The following ADAMTS19 variants were observed in gnomAD, a reference collection of about 807,000 sequenced individuals.
The protein encoded by ADAMTS19 is ADAM metallopeptidase with thrombospondin type 1 motif 19, also known as A disintegrin and metalloproteinase with thrombospondin motifs 19.
ADAMTS19 carries 93 observed loss-of-function variants against 153.3 expected under a neutral mutation model. The ratio of observed to expected loss-of-function variants is 0.61; its 90% confidence interval spans 0.51 to 0.72. The LOEUF is 0.72. ADAMTS19 is among the 30% of genes least tolerant of loss of function. The pLI is 0.00. For synonymous variants in ADAMTS19, 600 were observed against 556.6 expected (o/e 1.08, Z -1.10); for missense variants, 1,482 against 1,552.1 (o/e 0.95, Z 0.76).
intron 7 of ADAMTS19, among the ~76,000 whole-genome samples, chr5:129,560,997 G>A (rs972813594): frequency 2.0e-5 from 3 of 151,892 alleles, no homozygotes; most frequent in Non-Finnish European, 4.4e-5. Context: ...TTTTATGTAG[G>A]TTACATTTAT....
rs535458632 is a variant in ADAMTS19 at position 129,565,148 on chromosome 5, A to G, written c.1372+13241A>G. ...ATTAACCATCACAATTATTTCTATA[A>G]TTTAGATTTTTCATTATTTAATCTC... On this transcript the variant is annotated intron_variant, in intron 7 of 22. Transcript: ENST00000274487. Among the ~76,000 whole-genome samples, 43 of 152,318 alleles carry G rather than the reference A, an allele frequency of 2.8e-4. No individual in the cohort carries two copies. In the South Asian group the frequency reaches 4.8e-3, roughly 17 times the overall value.
intron 16 of ADAMTS19, among the ~76,000 whole-genome samples, chr5:129,676,583 G>A (rs1238085428): frequency 6.6e-6 from 1 of 151,984 alleles, no homozygotes; most frequent in Non-Finnish European, 1.5e-5. Context: ...CTTCTCTTAG[G>A]GATCGCAGTT....
intron 21 of ADAMTS19, among the ~76,000 whole-genome samples, chr5:129,728,375 A>G (rs1249047651): frequency 2.0e-5 from 3 of 151,954 alleles, no homozygotes; most frequent in Non-Finnish European, 2.9e-5. Context: ...CTTTTTTTAA[A>G]TTATACTTTA....
intron 2 of ADAMTS19, among the ~76,000 whole-genome samples, chr5:129,493,535 A>G: frequency 6.6e-6 from 1 of 152,116 alleles, no homozygotes; most frequent in Non-Finnish European, 1.5e-5. Flanking sequence ...TAACTGTTTA[A>G]TCACATAGGA....
chr5:129,661,951 G>A (rs1753831812), intron 15 of ADAMTS19, among the ~76,000 whole-genome samples: 1 of 152,156 alleles, frequency 6.6e-6, no homozygotes, highest in Non-Finnish European at 1.5e-5. Context: ...AGCAGGAAGT[G>A]AACAGGAGAA....
chr5:129,526,736 T>TA (rs1288808310), intron 4 of ADAMTS19, among the ~76,000 whole-genome samples: 2 of 151,762 alleles, frequency 1.3e-5, no homozygotes, highest in Non-Finnish European at 2.9e-5. Flanking sequence ...TTTCCTTTTT[T>TA]AAAAAAATGT....
At chr5:129,692,146 C>T (rs886721156) in intron 18 of ADAMTS19, among the ~76,000 whole-genome samples, 2 of 151,998 alleles carry the variant, frequency 1.3e-5, no homozygotes, top group Admixed American at 6.6e-5. Flanking sequence ...TTTTGGCTAT[C>T]GCATCATAAT....
intron 2 of ADAMTS19, among the ~76,000 whole-genome samples, chr5:129,471,544 A>G (rs1269724254): frequency 6.6e-6 from 1 of 152,134 alleles, no homozygotes; most frequent in East Asian, 1.9e-4. Context: ...TAAAAAGAAT[A>G]CAAGGTACTT....
At chr5:129,649,955 A>G (rs1258711714) in intron 13 of ADAMTS19, among the ~76,000 whole-genome samples, 1 of 152,184 alleles carries the variant, frequency 6.6e-6, no homozygotes, top group Non-Finnish European at 1.5e-5. Context: ...AGGCAAACAG[A>G]TTGCTTGAGC....
At position 129,526,389 on chromosome 5, in the gene ADAMTS19, A is replaced by C; in HGVS notation, c.1019A>C (p.Asp340Ala). ...EYNIETVVVADPAMVSYHGAD... is the reference protein window; with the variant it reads ...EYNIETVVVAAPAMVSYHGAD... ...AACATAGAGACTGTAGTGGTTGCAG[A>C]CCCAGCAATGGTTTCCTATCATGGA... Residue 340 changes from aspartate (D) to alanine (A), a missense_variant, in exon 4 of 23, where the codon GAC (aspartate) becomes GCC (alanine). Coordinates refer to ENST00000274487, the MANE Select transcript of ADAMTS19 (RefSeq NM_133638.6). 6.2e-7 allele frequency: 1 copy of C among 1,604,914 alleles called. No individual in the cohort carries two copies. The highest frequency in any genetic ancestry group is 8.5e-7 in the Non-Finnish European group (1 of 1,176,150).
Position 129,716,685 on chromosome 5 carries a change from C to A in ADAMTS19, c.3312+12294C>A, listed in dbSNP as rs148721769. ...CACAAGTAGGGTTTTGCCTCAGTTG[C>A]TCTTAATTCCCAATATAATACCACA... On this transcript the variant is annotated intron_variant, in intron 21 of 22. Coordinates refer to ENST00000274487, the MANE Select transcript of ADAMTS19 (RefSeq NM_133638.6). 1.7e-4 allele frequency among the ~76,000 whole-genome samples: 26 copies of A among 151,556 alleles called. No homozygotes were observed. In the East Asian group the frequency reaches 4.7e-3, roughly 27 times the overall value.
intron 7 of ADAMTS19, among the ~76,000 whole-genome samples, chr5:129,553,947 T>A (rs1395985316): frequency 6.6e-6 from 1 of 152,028 alleles, no homozygotes; most frequent in Admixed American, 6.6e-5. Context: ...TTCAAAAATA[T>A]TTTGTCTAAA....
chr5:129,542,475 T>C (rs1321025644), intron 6 of ADAMTS19, among the ~76,000 whole-genome samples: 1 of 152,206 alleles, frequency 6.6e-6, no homozygotes, highest in South Asian at 2.1e-4. Context: ...AAACCTTCCA[T>C]TATAACCCTG....
chr5:129,568,197 C>A (rs1342176528), intron 7 of ADAMTS19, among the ~76,000 whole-genome samples: 1 of 152,016 alleles, frequency 6.6e-6, no homozygotes, highest in Non-Finnish European at 1.5e-5. Context: ...ATCAGGAATG[C>A]AGAAAGTAAA....
intron 2 of ADAMTS19, among the ~76,000 whole-genome samples, chr5:129,476,873 T>A (rs1326076634): frequency 6.6e-6 from 1 of 152,156 alleles, no homozygotes; most frequent in Non-Finnish European, 1.5e-5. Flanking sequence ...AATGACATCC[T>A]GGAGTTATGA....
chr5:129,728,017 A>T (rs1224495294), intron 21 of ADAMTS19, among the ~76,000 whole-genome samples: 2 of 152,160 alleles, frequency 1.3e-5, no homozygotes, highest in Non-Finnish European at 2.9e-5. Flanking sequence ...GCGGTAAAGA[A>T]GCTGGCCAAA....
chr5:129,673,641 A>G (rs904201632), intron 16 of ADAMTS19, among the ~76,000 whole-genome samples: 9 of 152,106 alleles, frequency 5.9e-5, no homozygotes, highest in African/African-American at 1.4e-4. Context: ...CTAAATATCA[A>G]TTAGTTTTAT....
chr5:129,620,810 T>C, intron 9 of ADAMTS19, 52 bp downstream of exon 9: 1 of 1,568,948 alleles, frequency 6.4e-7, no homozygotes, highest in Non-Finnish European at 8.7e-7. Context: ...GTGTGCTGTT[T>C]CTTTTTACAA....
intron 7 of ADAMTS19, among the ~76,000 whole-genome samples, chr5:129,578,104 ATATGCATGTATATGTACGTATACG>A (rs1749278295): frequency 7.6e-6 from 1 of 131,734 alleles, no homozygotes; most frequent in African/African-American, 2.8e-5. Context: ...ATACATATAC[ATATGCATGTATATGTACGTATACG>A]TACATATACC....
Sources: allele counts gnomAD v4.1 joint callset (sites outside exome capture counted in the v4.1 genomes callset), GRCh38; gene constraint gnomAD v4.1.1; transcripts MANE v1.5; gene names NCBI Gene and HGNC (gene_info 2026-07-23, HGNC 2026-07-21).